The following TMCO2 variants were observed in gnomAD, a reference collection of about 807,000 sequenced individuals.
TMCO2 encodes the protein transmembrane and coiled-coil domains 2, also known as transmembrane and coiled-coil domain-containing protein 2.
In TMCO2, 15 loss-of-function variants were observed where a neutral mutation model predicts 18.0. That is an observed-to-expected ratio of 0.84 (90% CI 0.56 to 1.29). The LOEUF is 1.29. TMCO2 is among the 50% of genes most tolerant of loss of function. TMCO2 has a pLI of 0.00. For missense variants in TMCO2, 182 were observed against 200.9 expected, an observed-to-expected ratio of 0.91 and a Z score of 0.57; for synonymous variants, 79 against 75.9, an observed-to-expected ratio of 1.04 and a Z score of -0.21.
At chr1:40,251,094 G>A (rs1569595614) in intron 1 of TMCO2, among the ~76,000 whole-genome samples, 189 bp from the exon 2 acceptor site, 3 of 134,076 alleles carry the variant, frequency 2.2e-5, no homozygotes, top group African/African-American at 5.9e-5. Flanking sequence ...CTGAGATTGC[G>A]CCACAGCACT....
chr1:40,251,136 CAAAA>C (rs59384076), intron 1 of TMCO2, 143 bp from the exon 2 acceptor site: 126 of 419,236 alleles, frequency 3.0e-4, no homozygotes, highest in Middle Eastern at 1.3e-3. Context: ...AACTCCATCT[CAAAA>C]AAAAAAAAAA....
intron 1 of TMCO2, among the ~76,000 whole-genome samples, chr1:40,249,701 C>A (rs1187524750): frequency 2.0e-5 from 3 of 151,892 alleles, no homozygotes; most frequent in African/African-American, 7.3e-5. Context: ...GAGATGAAGT[C>A]TTGCTCTTGT....
rs535545176 is a variant in TMCO2, at chr1:40,250,035, C to T, written c.238-1248C>T. On this transcript the variant is annotated intron_variant, in intron 1 of 1. Coordinates refer to ENST00000372766, the MANE Select transcript of TMCO2 (RefSeq NM_001008740.4). ...TTTTAGAGACAGTGTCTTGCTCTGTCGCCCAGGCTGGAGTGCAGTGGTGTC... is the reference window on the plus strand; with the variant it reads ...TTTTAGAGACAGTGTCTTGCTCTGTTGCCCAGGCTGGAGTGCAGTGGTGTC... Among the ~76,000 whole-genome samples the T allele has an allele frequency of 2.1e-4, 32 of 151,636 alleles. No homozygotes were observed. The East Asian group carries it at 4.1e-3, about 19-fold the overall frequency.
chr1:40,250,686 T>C (rs1253217525), intron 1 of TMCO2, among the ~76,000 whole-genome samples: 2 of 152,218 alleles, frequency 1.3e-5, no homozygotes, highest in Admixed American at 1.3e-4. Context: ...TTGTGTTTTT[T>C]CTGCATAAAT....
chr1:40,248,686 T>C (rs1643357360), intron 1 of TMCO2, among the ~76,000 whole-genome samples: 1 of 152,172 alleles, frequency 6.6e-6, no homozygotes, highest in Non-Finnish European at 1.5e-5. Flanking sequence ...GCTCCATAAG[T>C]ATATAGGAGC....
Position 40,251,294 on chromosome 1 carries a change from G to A in TMCO2, c.249G>A (p.Leu83=), listed in dbSNP as rs1225921361. ...TTGTTCCATTTTAGAAAACATTGTT[G>A]TTTGTAATCACACTCTACAAACTTT... The part of the protein sequence containing the change: ...RSIQSIQKTL[L]FVITLYKLYK... Residue 83 remains leucine, a synonymous_variant, in exon 2 of 2, where the codon TTG becomes TTA. Transcript: ENST00000372766. 6.2e-7 allele frequency: 1 copy of A among 1,609,310 alleles called. No individual in the cohort carries two copies. The highest frequency in any genetic ancestry group is 1.1e-5 in the South Asian group (1 of 89,486).
intron 1 of TMCO2, among the ~76,000 whole-genome samples, chr1:40,249,259 G>A (rs1218732040): frequency 1.1e-5 from 1 of 87,180 alleles, no homozygotes; most frequent in Non-Finnish European, 2.4e-5. Flanking sequence ...ACAGGAATGT[G>A]TGTGTGTGTG....
chr1:40,248,033 G>A lies in TMCO2; in HGVS notation c.40G>A (p.Glu14Lys). 6.2e-7 allele frequency: 1 copy of A among 1,614,166 alleles called. No homozygotes were observed. The highest frequency in any genetic ancestry group is 2.2e-5 in the East Asian group (1 of 44,886). The stretch of plus-strand genomic sequence containing the variant: ...ATCTTCTAGCTGGGACAACCTCTTA[G>A]AGTCTCTCTCTCTCAGCACAGTATG... ...SSSSSWDNLLESLSLSTVWNW... is the reference protein window; with the variant it reads ...SSSSSWDNLLKSLSLSTVWNW... The change falls in exon 1 of 2, where the codon GAG (glutamate) becomes AAG (lysine). Residue 14 changes from glutamate to lysine, a missense_variant. Transcript: ENST00000372766.
chr1:40,251,679 T>C lies in TMCO2; in HGVS notation c.*85T>C, dbSNP rs1643386593. On this transcript the variant is annotated 3_prime_UTR_variant, in exon 2 of 2. Transcript: ENST00000372766. ...GTATCAATAAAGATAGAGAACGCTATTGAAATTACCGTGCAAAGACTAGCT... is the reference window on the plus strand; with the variant it reads ...GTATCAATAAAGATAGAGAACGCTACTGAAATTACCGTGCAAAGACTAGCT... 6.3e-6 allele frequency: 9 copies of C among 1,433,866 alleles called. No homozygotes were observed. Among genetic ancestry groups the C allele is most frequent in the Non-Finnish European group, 8.6e-6 (9 of 1,047,774 alleles). 88.8% of individuals were successfully genotyped at this position (1,433,866 alleles called of 1,614,324 possible).
intron 1 of TMCO2, among the ~76,000 whole-genome samples, chr1:40,249,671 G>GTTAT (rs1320280472): frequency 2.0e-5 from 3 of 151,354 alleles, no homozygotes; most frequent in Non-Finnish European, 2.9e-5. Flanking sequence ...ATATTCTTTT[G>GTTAT]TTATTTATTT....
intron 1 of TMCO2, among the ~76,000 whole-genome samples, chr1:40,249,492 T>C (rs999221699): frequency 6.6e-6 from 1 of 151,228 alleles, no homozygotes; most frequent in Non-Finnish European, 1.5e-5. Context: ...GGCAGAAGAA[T>C]TGCTTGAACC....
At chr1:40,250,725 G>A (rs1643375533) in intron 1 of TMCO2, among the ~76,000 whole-genome samples, 1 of 152,164 alleles carries the variant, frequency 6.6e-6, no homozygotes, top group South Asian at 2.1e-4. Flanking sequence ...GTTACTTCCA[G>A]ACATTCAGAA....
rs1166314824 is a variant in TMCO2 at position 40,248,204 on chromosome 1, T to C, written c.211T>C (p.Trp71Arg). The change falls in exon 1 of 2, where the codon TGG becomes CGG. Residue 71 changes from tryptophan to arginine, a missense_variant. By Grantham distance (101) the Trp-to-Arg change is moderately radical. Transcript: ENST00000372766. ...ILLGIGIYAL[W>R]KRSIQSIQKT... is the part of the protein sequence containing the mutation. Reference sequence around the variant, plus strand: ...ATTGGGAATAGGAATATATGCCTTATGGAAACGAAGTATTCAGTCAATTCA... The same window carrying C: ...ATTGGGAATAGGAATATATGCCTTACGGAAACGAAGTATTCAGTCAATTCA... The C allele has an allele frequency of 1.9e-6, 3 of 1,613,640 alleles. No individual in the cohort carries two copies. Among genetic ancestry groups the C allele is most frequent in the Non-Finnish European group, 2.5e-6 (3 of 1,179,688 alleles).
chr1:40,248,868 T>G (rs1643358470), intron 1 of TMCO2, among the ~76,000 whole-genome samples: 1 of 152,208 alleles, frequency 6.6e-6, no homozygotes, highest in Non-Finnish European at 1.5e-5. Context: ...GTGAAGAAAC[T>G]GAGGTGCACT....
chr1:40,250,937 A>C (rs1337970475), intron 1 of TMCO2, among the ~76,000 whole-genome samples: 1 of 152,130 alleles, frequency 6.6e-6, no homozygotes, highest in Non-Finnish European at 1.5e-5. Context: ...GGAGATTGAG[A>C]ACATCCTGGC....
chr1:40,251,284 A>C lies in TMCO2; in HGVS notation c.239A>C (p.Lys80Thr). The C allele has an allele frequency of 1.2e-6, 2 of 1,606,520 alleles. No individual in the cohort carries two copies. The highest frequency in any genetic ancestry group is 1.7e-6 in the Non-Finnish European group (2 of 1,178,278). The change falls in exon 2 of 2, where the codon AAA becomes ACA. Residue 80 changes from lysine to threonine, a missense_variant and splice_region_variant. By Grantham distance (78) the Lys-to-Thr change is moderately conservative (BLOSUM62 -1). Transcript: ENST00000372766. Reference protein sequence around the residue: ...LWKRSIQSIQKTLLFVITLYK... With the variant: ...LWKRSIQSIQTTLLFVITLYK... ...TCAACTTCTGTTGTTCCATTTTAGA[A>C]AACATTGTTGTTTGTAATCACACTC...
chr1:40,251,513 G>A lies in TMCO2; in HGVS notation c.468G>A (p.Arg156=). The A allele has an allele frequency of 5.0e-6, 8 of 1,613,964 alleles. No individual in the cohort carries two copies. The highest frequency in any genetic ancestry group is 6.8e-6 in the Non-Finnish European group (8 of 1,180,002). Reference sequence around the variant, plus strand: ...TTGCTCAAAAACCTGCCACGAAGAGGGATTGCTCCTCTGAGCCCTACTGCA... The same window carrying A: ...TTGCTCAAAAACCTGCCACGAAGAGAGATTGCTCCTCTGAGCCCTACTGCA... ...IIVAQKPATK[R]DCSSEPYCSC... is the part of the protein sequence containing the mutation. The change falls in exon 2 of 2, where the codon AGG becomes AGA. Residue 156 remains arginine, a synonymous_variant. Transcript: ENST00000372766.
chr1:40,247,954 G>A lies in TMCO2; in HGVS notation c.-40G>A. 1 of 1,514,540 alleles carries A rather than the reference G, an allele frequency of 6.6e-7. No individual in the cohort carries two copies. Among genetic ancestry groups the A allele is most frequent in the South Asian group, 1.1e-5 (1 of 88,414 alleles). 93.8% of individuals were successfully genotyped at this position (1,514,540 alleles called of 1,614,324 possible). ...CCTAACTCATATTTAGATTCCTGAAGCTTCTGCACATGTAGTTCCTAGAGC... is the reference window on the plus strand; with the variant it reads ...CCTAACTCATATTTAGATTCCTGAAACTTCTGCACATGTAGTTCCTAGAGC... On this transcript the variant is annotated 5_prime_UTR_variant, in exon 1 of 2. Transcript: ENST00000372766.
chr1:40,250,740 G>T (rs979667055), intron 1 of TMCO2, among the ~76,000 whole-genome samples: 2 of 152,162 alleles, frequency 1.3e-5, no homozygotes, highest in African/African-American at 4.8e-5. Flanking sequence ...TCAGAAAATG[G>T]TTATCTATTA....
Sources: gnomAD v4.1 joint callset for allele counts (sites outside exome capture counted in the v4.1 genomes callset) on GRCh38, gnomAD v4.1.1 for gene constraint, MANE v1.5 for transcripts, NCBI Gene and HGNC (gene_info 2026-07-23, HGNC 2026-07-21) for gene names.